RAB6A: variants seen among roughly 807,000 people sequenced by gnomAD.
The protein encoded by RAB6A is ras-related protein Rab-6A.
In RAB6A, 8 loss-of-function variants were observed where a neutral mutation model predicts 32.3. The observed-to-expected ratio is 0.25, with a 90% confidence interval of 0.15 to 0.45. The LOEUF (loss-of-function observed/expected upper bound fraction) is 0.45, where lower values mean the gene tolerates loss of function less well. RAB6A is among the 20% of genes least tolerant of loss of function. The pLI, the probability that RAB6A is intolerant of heterozygous loss-of-function variation, is 1.00. For missense variants in RAB6A, 104 were observed against 249.4 expected (o/e 0.42, Z 3.93); for synonymous variants, 73 against 82.1 (o/e 0.89, Z 0.60).
chr11:73,685,729 A>C (rs1945441997), intron 6 of RAB6A, among the ~76,000 whole-genome samples: 2 of 150,584 alleles, frequency 1.3e-5, no homozygotes, highest in African/African-American at 4.9e-5. Flanking sequence ...AAATACAAAA[A>C]AAAAAAATAG....
At chr11:73,689,235 A>T (rs997783062) in intron 6 of RAB6A, among the ~76,000 whole-genome samples, 3 of 152,126 alleles carry the variant, frequency 2.0e-5, no homozygotes, top group Admixed American at 2.0e-4. Context: ...CAATTTTTCC[A>T]TGGACTGGGG....
intron 1 of RAB6A, among the ~76,000 whole-genome samples, chr11:73,748,906 A>G (rs12284155): frequency 0.011 from 1,660 of 152,110 alleles, 26 homozygotes; most frequent in African/African-American, 0.035. Context: ...GGGCAGATCA[A>G]TTGAGGTAAG....
chr11:73,735,937 A>AAAAGAG (rs56012322), intron 1 of RAB6A, among the ~76,000 whole-genome samples: 4 of 123,602 alleles, frequency 3.2e-5, no homozygotes, highest in East Asian at 2.7e-4. Context: ...AAAAAAAAAA[A>AAAAGAG]AGAGAGAGAG....
intron 1 of RAB6A, among the ~76,000 whole-genome samples, chr11:73,750,192 G>C (rs191943360): frequency 1.7e-3 from 262 of 152,170 alleles, no homozygotes; most frequent in African/African-American, 5.9e-3. Context: ...GCAAGGTTTA[G>C]TCAATCTCAC....
At chr11:73,743,321 A>G (rs888207760) in intron 1 of RAB6A, among the ~76,000 whole-genome samples, 2 of 150,832 alleles carry the variant, frequency 1.3e-5, no homozygotes, top group Non-Finnish European at 3.0e-5. Context: ...AAAAAAAAAA[A>G]GAGAAAAAAG....
At chr11:73,702,905 G>T (rs192411919) in intron 6 of RAB6A, among the ~76,000 whole-genome samples, 1 of 151,394 alleles carries the variant, frequency 6.6e-6, no homozygotes, top group Non-Finnish European at 1.5e-5. Context: ...CACCCAGGCT[G>T]GAGTGCAGTG....
intron 6 of RAB6A, among the ~76,000 whole-genome samples, chr11:73,697,226 C>A (rs546509156): frequency 6.6e-6 from 1 of 152,166 alleles, no homozygotes; most frequent in Non-Finnish European, 1.5e-5. Flanking sequence ...TCAAATATCA[C>A]CTTATCAGAC....
chr11:73,743,909 ATC>A (rs1324994966), intron 1 of RAB6A, among the ~76,000 whole-genome samples: 1 of 152,268 alleles, frequency 6.6e-6, no homozygotes, highest in East Asian at 1.9e-4. Context: ...CTAAGATTGC[ATC>A]TCTCTAAGAA....
chr11:73,687,086 G>T (rs1315047559), intron 6 of RAB6A, among the ~76,000 whole-genome samples: 10 of 152,058 alleles, frequency 6.6e-5, no homozygotes, highest in Non-Finnish European at 1.0e-4. Flanking sequence ...CAATATGGAT[G>T]CATCTTGAGG....
intron 1 of RAB6A, among the ~76,000 whole-genome samples, chr11:73,743,094 G>A (rs1040613464): frequency 1.3e-5 from 2 of 152,004 alleles, no homozygotes; most frequent in African/African-American, 4.8e-5. Context: ...ACTCGAGTTT[G>A]AGACCAGCCT....
At chr11:73,692,528 A>G (rs1282719473) in intron 6 of RAB6A, among the ~76,000 whole-genome samples, 1 of 150,234 alleles carries the variant, frequency 6.7e-6, no homozygotes, top group Non-Finnish European at 1.5e-5. Flanking sequence ...AAAAAAGGAA[A>G]GAAAAAGGAA....
intron 6 of RAB6A, among the ~76,000 whole-genome samples, chr11:73,704,856 C>T (rs1945810104): frequency 1.3e-5 from 2 of 151,264 alleles, no homozygotes; most frequent in South Asian, 2.1e-4. Context: ...ATTAGCCAGG[C>T]GTGGTGGTGG....
At chr11:73,721,015 C>A in intron 2 of RAB6A, 116 bp from the exon 3 acceptor site, 1 of 792,584 alleles carries the variant, frequency 1.3e-6, no homozygotes. Context: ...ATCAATACAA[C>A]ATAGTCAATT....
At chr11:73,720,787 G>C in intron 3 of RAB6A, 59 bp downstream of exon 3, 6 of 1,257,166 alleles carry the variant, frequency 4.8e-6, no homozygotes, top group Non-Finnish European at 6.9e-6. Context: ...TGATAACTTT[G>C]ATTGCAGTTT....
At chr11:73,687,288 G>A (rs1945474728) in intron 6 of RAB6A, among the ~76,000 whole-genome samples, 1 of 152,114 alleles carries the variant, frequency 6.6e-6, no homozygotes, top group African/African-American at 2.4e-5. Flanking sequence ...AATGAAAAGG[G>A]TTCTGGATGG....
In RAB6A at chr11:73,716,381, CAG is replaced by C. The variant is rs755568368; in HGVS notation, c.290-21_290-20del. 5 of 1,578,778 alleles carry C rather than the reference CAG, an allele frequency of 3.2e-6. No individual in the cohort carries two copies. In the African/African-American group the frequency reaches 6.7e-5, roughly 21 times the overall value. ...TTAACATCTAGTATAGGAGGGTAGA[CAG>C]AGAGATTAGTGTTGCTGAAAAATGC... On this transcript the variant is annotated intron_variant, in intron 4 of 7. Transcript: ENST00000336083.
At chr11:73,743,074 C>T (rs1026688038) in intron 1 of RAB6A, among the ~76,000 whole-genome samples, 2 of 151,924 alleles carry the variant, frequency 1.3e-5, no homozygotes, top group Admixed American at 6.6e-5. Context: ...GAGGCCAAGA[C>T]GGGCAGATCA....
chr11:73,720,807 G>C (rs753859516), intron 3 of RAB6A, 39 bp downstream of exon 3: 1 of 1,484,118 alleles, frequency 6.7e-7, no homozygotes, highest in Non-Finnish European at 9.3e-7. Context: ...TTCTAACCTG[G>C]AATGTTGCAG....
intron 1 of RAB6A, among the ~76,000 whole-genome samples, chr11:73,747,005 G>A (rs928482070): frequency 1.3e-5 from 2 of 152,110 alleles, no homozygotes; most frequent in African/African-American, 4.8e-5. Context: ...GTGCAATCTC[G>A]GCGCACTGCA....
Sources: allele counts gnomAD v4.1 joint callset (sites outside exome capture counted in the v4.1 genomes callset), GRCh38; gene constraint gnomAD v4.1.1; transcripts MANE v1.5; gene names NCBI Gene and HGNC (gene_info 2026-07-23, HGNC 2026-07-21).